The following PALLD variants were observed in gnomAD, a reference collection of about 807,000 sequenced individuals.
The protein encoded by PALLD is palladin, cytoskeletal associated protein, also known as palladin.
Under a neutral mutation model 123.5 loss-of-function variants are expected in PALLD, and 61 were observed. That is an observed-to-expected ratio of 0.49 (90% CI 0.40 to 0.61). The LOEUF (loss-of-function observed/expected upper bound fraction) is 0.61, where lower values mean the gene tolerates loss of function less well. Ranked by LOEUF, PALLD falls within the 20% of genes least tolerant of loss-of-function variation. The pLI, the probability that PALLD is intolerant of heterozygous loss-of-function variation, is 0.00. For synonymous variants in PALLD, 465 were observed against 496.4 expected (o/e 0.94, Z 0.84); for missense variants, 1,273 against 1,377.0 (o/e 0.92, Z 1.20).
At chr4:168,540,066 C>T (rs1012511720) in intron 2 of PALLD, among the ~76,000 whole-genome samples, 2 of 152,026 alleles carry the variant, frequency 1.3e-5, no homozygotes, top group African/African-American at 4.8e-5. Flanking sequence ...AGTCCAAGAC[C>T]TTAAAGGCAC....
At chr4:168,511,284 A>G (rs377280851) in intron 1 of PALLD, 139 bp from the exon 2 acceptor site, 1 of 549,080 alleles carries the variant, frequency 1.8e-6, no homozygotes, top group African/African-American at 1.9e-5. Flanking sequence ...AGTATACTTG[A>G]TATTTCTTCC....
chr4:168,782,919 T>C (rs965650942), intron 10 of PALLD, among the ~76,000 whole-genome samples: 1 of 150,400 alleles, frequency 6.6e-6, no homozygotes, highest in Non-Finnish European at 1.5e-5. Context: ...TGCCTTAAAA[T>C]AAAAAACAAC....
chr4:168,727,748 A>G (rs753129085), intron 10 of PALLD, among the ~76,000 whole-genome samples: 8 of 152,110 alleles, frequency 5.3e-5, no homozygotes, highest in Non-Finnish European at 7.4e-5. Context: ...TTTTGTTGCA[A>G]TTGCTTTTGG....
chr4:168,793,984 G>A (rs899922409), intron 10 of PALLD, among the ~76,000 whole-genome samples: 1 of 152,168 alleles, frequency 6.6e-6, no homozygotes, highest in Non-Finnish European at 1.5e-5. Flanking sequence ...GGTATCCACC[G>A]GGGAGGCACA....
rs964134395 is a variant in PALLD at position 168,903,898 on chromosome 4, A to C, written c.2614A>C (p.Asn872His). 1 of 1,614,038 alleles carries C rather than the reference A, an allele frequency of 6.2e-7. No individual in the cohort carries two copies. Among genetic ancestry groups the C allele is most frequent in the Admixed American group, 1.7e-5 (1 of 60,026 alleles). ...TGGGAATTATACAATTATGGCTGCA[A>C]ACCCTCAGGTAAAGAAGGGTATAGG... ...DDGNYTIMAA[N>H]PQGRISCTGR... The change falls in exon 15 of 22, where the codon AAC becomes CAC. Residue 872 changes from asparagine (N) to histidine (H), a missense_variant. Asn to His is a moderately conservative substitution (Grantham distance 68). This residue lies in a region of PALLD where 329 missense variants were observed against 422.5 expected (regional missense o/e 0.78). Coordinates refer to ENST00000505667, the MANE Select transcript of PALLD (RefSeq NM_001166108.2).
intron 10 of PALLD, among the ~76,000 whole-genome samples, chr4:168,784,256 C>T (rs1477709343): frequency 6.6e-6 from 1 of 151,692 alleles, no homozygotes; most frequent in African/African-American, 2.4e-5. Context: ...TTGCTTGAGC[C>T]CAGGAATTCA....
intron 1 of PALLD, among the ~76,000 whole-genome samples, chr4:168,500,442 C>A (rs965477286): frequency 6.6e-6 from 1 of 152,172 alleles, no homozygotes; most frequent in Admixed American, 6.5e-5. Flanking sequence ...TCGCTCACTG[C>A]AGCCTAGAAC....
chr4:168,896,986 C>T (rs1424093812), intron 13 of PALLD, among the ~76,000 whole-genome samples: 1 of 152,174 alleles, frequency 6.6e-6, no homozygotes, highest in African/African-American at 2.4e-5. Context: ...TGCATGCCAA[C>T]ATGCCTGGCT....
At chr4:168,810,188 G>A (rs1025034911) in intron 10 of PALLD, among the ~76,000 whole-genome samples, 58 of 152,100 alleles carry the variant, frequency 3.8e-4, no homozygotes, top group African/African-American at 1.3e-3. Context: ...AGAAGAACAG[G>A]AAAAGAGCAA....
chr4:168,711,399 A>G (rs577993813), intron 9 of PALLD, among the ~76,000 whole-genome samples, 182 bp from the exon 10 acceptor site: 1 of 152,336 alleles, frequency 6.6e-6, no homozygotes, highest in African/African-American at 2.4e-5. Flanking sequence ...CGTTCAAAAC[A>G]AGCTTGAAAG....
intron 10 of PALLD, among the ~76,000 whole-genome samples, chr4:168,718,113 C>A (rs1236815495): frequency 3.3e-5 from 5 of 152,190 alleles, no homozygotes. Flanking sequence ...TTATGTTGGA[C>A]TGCAGCTTCA....
Position 168,711,721 on chromosome 4 carries a change from A to G in PALLD, c.1762A>G (p.Asn588Asp), listed in dbSNP as rs928047889. 5 of 1,614,090 alleles carry G rather than the reference A, an allele frequency of 3.1e-6. No homozygotes were observed. The African/African-American group carries it at 5.3e-5, about 17-fold the overall frequency. Residue 588 changes from asparagine to aspartate, a missense_variant, in exon 10 of 22, where the codon AAC (asparagine) becomes GAC (aspartate). Around this residue, in one of 2 missense-constraint regions of PALLD, gnomAD observed 944 missense variants for 954.5 expected, o/e 0.99. Coordinates refer to ENST00000505667, the MANE Select transcript of PALLD (RefSeq NM_001166108.2). ...GAAACCATCTGAGATCCAGCAGGTG[A>G]ACAACCCTGAGTTAGGCCTGAGCAG... ...SKKPSEIQQV[N>D]NPELGLSRAA...
At chr4:168,722,544 A>G (rs1786123507) in intron 10 of PALLD, among the ~76,000 whole-genome samples, 1 of 152,224 alleles carries the variant, frequency 6.6e-6, no homozygotes, top group South Asian at 2.1e-4. Context: ...GAAAGAGGAA[A>G]GACAGTTGTG....
chr4:168,696,264 G>T (rs1222747079), intron 8 of PALLD, among the ~76,000 whole-genome samples: 1 of 152,064 alleles, frequency 6.6e-6, no homozygotes, highest in Non-Finnish European at 1.5e-5. Flanking sequence ...CCTCTTCCAG[G>T]ACTCACATTC....
At chr4:168,704,954 A>G (rs1401156495) in intron 8 of PALLD, among the ~76,000 whole-genome samples, 1 of 152,146 alleles carries the variant, frequency 6.6e-6, no homozygotes, top group Non-Finnish European at 1.5e-5. Context: ...TAGAATTTTA[A>G]TTTCAGAAGT....
chr4:168,777,303 TG>T (rs1663786256), intron 10 of PALLD, among the ~76,000 whole-genome samples: 1 of 152,224 alleles, frequency 6.6e-6, no homozygotes, highest in African/African-American at 2.4e-5. Context: ...GCTGCAGTTA[TG>T]GCTTGGAAGA....
At chr4:168,923,366 A>C (rs956774186) in intron 18 of PALLD, among the ~76,000 whole-genome samples, 1 of 152,226 alleles carries the variant, frequency 6.6e-6, no homozygotes, top group Non-Finnish European at 1.5e-5. Context: ...TTGCTGTGAT[A>C]TATCTGTCAC....
In PALLD at chr4:168,691,653, G is replaced by C. The variant is rs142556512; in HGVS notation, c.1501+361G>C. Among the ~76,000 whole-genome samples, 993 of 152,180 alleles carry C rather than the reference G, an allele frequency of 6.5e-3. 13 individuals carry two copies. Among genetic ancestry groups the C allele is most frequent in the Middle Eastern group, 0.017 (5 of 294 alleles). ...GAGAAGGACAATCTACTGCCTATTTGTACTGATCAGAACCCACTAACAACC... is the reference window on the plus strand; with the variant it reads ...GAGAAGGACAATCTACTGCCTATTTCTACTGATCAGAACCCACTAACAACC... On this transcript the variant is annotated intron_variant, in intron 8 of 21. Transcript: ENST00000505667.
chr4:168,887,855 T>C (rs1339848276), intron 10 of PALLD, among the ~76,000 whole-genome samples: 1 of 151,958 alleles, frequency 6.6e-6, no homozygotes, highest in Non-Finnish European at 1.5e-5. Flanking sequence ...GAAGTAGAGA[T>C]GGACAGTACA....
Sources: gnomAD v4.1 joint callset for allele counts (sites outside exome capture counted in the v4.1 genomes callset) on GRCh38, gnomAD v4.1.1 for gene constraint, gnomAD v4.1.1 regional missense constraint, MANE v1.5 for transcripts, NCBI Gene and HGNC (gene_info 2026-07-23, HGNC 2026-07-21) for gene names.